The following GPR158 variants were observed in gnomAD, a reference collection of about 807,000 sequenced individuals.
GPR158 encodes the protein G protein-coupled receptor 158, also known as metabotropic glycine receptor.
GPR158 carries 30 observed loss-of-function variants against 78.2 expected under a neutral mutation model. The ratio of observed to expected loss-of-function variants is 0.38; its 90% CI spans 0.29 to 0.52. The LOEUF is 0.52. Ranked by LOEUF, GPR158 falls within the 20% of genes least tolerant of loss-of-function variation. The pLI is 0.83. For synonymous variants in GPR158, 581 were observed against 591.1 expected, an observed-to-expected ratio of 0.98 and a Z score of 0.25; for missense variants, 1,463 against 1,523.5, an observed-to-expected ratio of 0.96 and a Z score of 0.66.
rs576086794 is a variant in GPR158 at position 25,513,306 on chromosome 10, G to A, written c.1405-37670G>A. ...CCAGGAATTTGTCCATCTCCTCTAG[G>A]TTTTCTAGTTTTTGTGCATTCATAG... is the stretch of plus-strand genomic sequence containing the variant. On this transcript the variant is annotated intron_variant, in intron 5 of 10. Coordinates refer to ENST00000376351, the MANE Select transcript of GPR158 (RefSeq NM_020752.3). Among the ~76,000 whole-genome samples the A allele has an allele frequency of 2.0e-5, 3 of 151,708 alleles. No homozygotes were observed. In the South Asian group the frequency reaches 6.3e-4, roughly 32 times the overall value.
chr10:25,225,724 G>A (rs1051499370), intron 2 of GPR158, among the ~76,000 whole-genome samples: 6 of 151,826 alleles, frequency 4.0e-5, no homozygotes, highest in African/African-American at 1.5e-4. Context: ...TCCAGTCATT[G>A]GTCTTATATT....
intron 5 of GPR158, among the ~76,000 whole-genome samples, chr10:25,522,518 G>T (rs1564478969): frequency 1.3e-5 from 2 of 152,114 alleles, no homozygotes; most frequent in Non-Finnish European, 2.9e-5. Flanking sequence ...GATGTTGGGG[G>T]GAAATGACTA....
chr10:25,376,040 G>A (rs895078384), intron 2 of GPR158, among the ~76,000 whole-genome samples: 12 of 151,442 alleles, frequency 7.9e-5, no homozygotes, highest in Non-Finnish European at 1.5e-4. Context: ...CATTTATATA[G>A]GTCTTTGATT....
intron 6 of GPR158, among the ~76,000 whole-genome samples, chr10:25,555,479 T>C (rs983746255): frequency 6.6e-6 from 1 of 152,210 alleles, no homozygotes; most frequent in Non-Finnish European, 1.5e-5. Flanking sequence ...GGGGCAGATC[T>C]AAAAGAACAC....
chr10:25,576,067 T>C (rs63305660), intron 7 of GPR158, among the ~76,000 whole-genome samples: 1 of 151,070 alleles, frequency 6.6e-6, no homozygotes. Flanking sequence ...GTTTTTTTTT[T>C]CCAGTAGCTT....
At chr10:25,551,564 T>A (rs1449379685) in intron 6 of GPR158, among the ~76,000 whole-genome samples, 1 of 152,186 alleles carries the variant, frequency 6.6e-6, no homozygotes, top group African/African-American at 2.4e-5. Context: ...GCTTTTCTCC[T>A]AAACCAGTGT....
chr10:25,230,562 C>T (rs1391778899), intron 2 of GPR158, among the ~76,000 whole-genome samples: 1 of 151,776 alleles, frequency 6.6e-6, no homozygotes, highest in African/African-American at 2.4e-5. Context: ...GAATGTTTTT[C>T]CAGGAAATAG....
chr10:25,225,707 T>A (rs1263609178), intron 2 of GPR158, among the ~76,000 whole-genome samples: 1 of 152,176 alleles, frequency 6.6e-6, no homozygotes, highest in East Asian at 1.9e-4. Context: ...AGTGGTTGTG[T>A]TATCACTCCA....
intron 7 of GPR158, among the ~76,000 whole-genome samples, chr10:25,578,583 C>T (rs946803817): frequency 2.0e-5 from 3 of 152,104 alleles, no homozygotes; most frequent in South Asian, 2.1e-4. Context: ...TAGATTGGTA[C>T]AAATTTGCAT....
Position 25,281,974 on chromosome 10 carries a change from G to A in GPR158, c.1008+60817G>A, listed in dbSNP as rs146993589. 2.6e-5 allele frequency among the ~76,000 whole-genome samples: 4 copies of A among 152,118 alleles called. No homozygotes were observed. In the East Asian group the frequency reaches 7.7e-4, roughly 29 times the overall value. ...TTTCTTTTACCAATTTTACATTTACGTTTTAAATTTGCATAAACTAAAATT... is the reference window on the plus strand; with the variant it reads ...TTTCTTTTACCAATTTTACATTTACATTTTAAATTTGCATAAACTAAAATT... On this transcript the variant is annotated intron_variant, in intron 2 of 10. Coordinates refer to ENST00000376351, the MANE Select transcript of GPR158 (RefSeq NM_020752.3).
intron 7 of GPR158, among the ~76,000 whole-genome samples, chr10:25,582,568 C>T (rs1021364256): frequency 6.6e-6 from 1 of 152,146 alleles, no homozygotes; most frequent in Non-Finnish European, 1.5e-5. Flanking sequence ...GCCCCCAGCT[C>T]CTAGGGAGTG....
At chr10:25,545,461 T>C (rs1222928755) in intron 5 of GPR158, among the ~76,000 whole-genome samples, 1 of 152,236 alleles carries the variant, frequency 6.6e-6, no homozygotes, top group Non-Finnish European at 1.5e-5. Context: ...TGACCAGTGA[T>C]GATGAGCGTT....
At chr10:25,186,293 T>G (rs1852683937) in intron 1 of GPR158, among the ~76,000 whole-genome samples, 1 of 152,052 alleles carries the variant, frequency 6.6e-6, no homozygotes, top group Non-Finnish European at 1.5e-5. Context: ...ATTGACACCC[T>G]AACATCACAA....
Position 25,419,972 on chromosome 10 carries a change from A to G in GPR158, c.1335+7499A>G, listed in dbSNP as rs188480092. On this transcript the variant is annotated intron_variant, in intron 4 of 10. Transcript: ENST00000376351. The stretch of plus-strand genomic sequence containing the variant: ...AGTTTTACTACTCTAAAAATCCTCT[A>G]TGTTCTGCCTTTGCCCATTTCTTAA... Among the ~76,000 whole-genome samples the G allele has an allele frequency of 8.5e-5, 13 of 152,116 alleles. No homozygotes were observed. In the East Asian group the frequency reaches 9.7e-4, roughly 11 times the overall value.
intron 2 of GPR158, among the ~76,000 whole-genome samples, chr10:25,276,200 T>C (rs1854180775): frequency 6.6e-6 from 1 of 152,188 alleles, no homozygotes; most frequent in Admixed American, 6.5e-5. Flanking sequence ...GCATTTACTG[T>C]AATAACACTG....
At chr10:25,584,549 T>C (rs1233646448) in intron 7 of GPR158, among the ~76,000 whole-genome samples, 1 of 152,236 alleles carries the variant, frequency 6.6e-6, no homozygotes, top group Admixed American at 6.5e-5. Context: ...TTTTTTTGAA[T>C]CTTCAGTATA....
intron 2 of GPR158, among the ~76,000 whole-genome samples, chr10:25,308,543 C>T (rs941094132): frequency 1.3e-5 from 2 of 152,198 alleles, no homozygotes; most frequent in Middle Eastern, 6.8e-3. Flanking sequence ...TTTTTCTTTA[C>T]ATTGTAAAAT....
chr10:25,187,552 T>G (rs1197552220), intron 1 of GPR158, among the ~76,000 whole-genome samples: 1 of 152,214 alleles, frequency 6.6e-6, no homozygotes, highest in African/African-American at 2.4e-5. Context: ...TCTCAATAGA[T>G]GCAGAAAAGG....
chr10:25,490,023 A>C (rs888773044), intron 5 of GPR158, among the ~76,000 whole-genome samples: 6 of 152,168 alleles, frequency 3.9e-5, no homozygotes, highest in Non-Finnish European at 8.8e-5. Context: ...TGAAATGCAT[A>C]TATACTAGCT....
Sources: gnomAD v4.1 joint callset for allele counts (sites outside exome capture counted in the v4.1 genomes callset) on GRCh38, gnomAD v4.1.1 for gene constraint, MANE v1.5 for transcripts, NCBI Gene and HGNC (gene_info 2026-07-23, HGNC 2026-07-21) for gene names.